IL1RAPL2: variants seen among roughly 807,000 people sequenced by gnomAD.
The protein encoded by IL1RAPL2 is interleukin 1 receptor accessory protein like 2.
Under a neutral mutation model 44.1 loss-of-function variants are expected in IL1RAPL2, and 3 were observed. That is an observed-to-expected ratio of 0.07 (90% CI 0.03 to 0.18). IL1RAPL2 has a LOEUF of 0.18. Ranked by LOEUF, IL1RAPL2 falls within the 10% of genes least tolerant of loss-of-function variation. IL1RAPL2 has a pLI of 1.00. For missense variants in IL1RAPL2, 391 were observed against 496.4 expected (o/e 0.79, Z 2.02); for synonymous variants, 181 against 178.8 (o/e 1.01, Z -0.10).
At chrX:104,970,031 G>GA (rs2030202351) in intron 2 of IL1RAPL2, among the ~76,000 whole-genome samples, 1 of 110,493 alleles carries the variant, frequency 9.1e-6, no homozygotes, top group African/African-American at 3.3e-5. Flanking sequence ...TAAAATTGAA[G>GA]ATGGAAATAT....
intron 2 of IL1RAPL2, among the ~76,000 whole-genome samples, chrX:105,184,863 C>T (rs782011071): frequency 1.0e-3 from 114 of 111,007 alleles, no homozygotes; most frequent in African/African-American, 3.5e-3. Context: ...TATGTAAAGG[C>T]TTGAGAGGTA....
chrX:105,317,637 C>T (rs1282932327), intron 5 of IL1RAPL2, among the ~76,000 whole-genome samples: 1 of 111,245 alleles, frequency 9.0e-6, no homozygotes, highest in Non-Finnish European at 1.9e-5. Context: ...TTTTTTAGAC[C>T]CTTATTTAAG....
intron 2 of IL1RAPL2, among the ~76,000 whole-genome samples, chrX:104,882,376 G>T (rs1923094451): frequency 8.9e-6 from 1 of 112,171 alleles, no homozygotes; most frequent in Admixed American, 9.5e-5. Flanking sequence ...TAGTTGCCTT[G>T]TTGGAAGCTG....
At chrX:104,967,495 A>G (rs1412321641) in intron 2 of IL1RAPL2, among the ~76,000 whole-genome samples, 1 of 102,942 alleles carries the variant, frequency 9.7e-6, no homozygotes, top group African/African-American at 3.5e-5. Context: ...TCTAAAAGTT[A>G]GCAAAAGAAC....
chrX:104,888,821 C>A (rs1049250306), intron 2 of IL1RAPL2, among the ~76,000 whole-genome samples: 1 of 111,468 alleles, frequency 9.0e-6, no homozygotes, highest in Non-Finnish European at 1.9e-5. Flanking sequence ...AGCCAAATTC[C>A]CCATTTCTGA....
intron 5 of IL1RAPL2, chrX:105,406,388 G>A: frequency 1.9e-6 from 2 of 1,067,814 alleles, no homozygotes; most frequent in Non-Finnish European, 2.6e-6. Flanking sequence ...TGTGTTAGAA[G>A]AAGCAAGATT....
intron 6 of IL1RAPL2, among the ~76,000 whole-genome samples, chrX:105,646,220 A>C (rs980537991): frequency 2.7e-5 from 3 of 111,515 alleles, no homozygotes; most frequent in Admixed American, 9.5e-5. Flanking sequence ...GTGTGTGTGC[A>C]TATGTGTGTC....
chrX:104,885,991 C>T (rs936837902), intron 2 of IL1RAPL2, among the ~76,000 whole-genome samples: 1 of 112,605 alleles, frequency 8.9e-6, no homozygotes, highest in Non-Finnish European at 1.9e-5. Flanking sequence ...CTCACTGAGG[C>T]CTGGGTATGT....
intron 6 of IL1RAPL2, among the ~76,000 whole-genome samples, chrX:105,554,886 G>C (rs1016339756): frequency 9.0e-6 from 1 of 110,787 alleles, no homozygotes; most frequent in Non-Finnish European, 1.9e-5. Context: ...TTCTACATCT[G>C]TTTCTATTGA....
intron 2 of IL1RAPL2, among the ~76,000 whole-genome samples, chrX:104,808,626 T>C (rs965829304): frequency 1.8e-5 from 2 of 111,416 alleles, no homozygotes; most frequent in African/African-American, 6.5e-5. Context: ...ATAAGGAGCA[T>C]GATTAATCTT....
chrX:104,623,103 A>T (rs1338962738), intron 1 of IL1RAPL2, among the ~76,000 whole-genome samples: 1 of 111,196 alleles, frequency 9.0e-6, no homozygotes, highest in Non-Finnish European at 1.9e-5. Context: ...CCTTTACATT[A>T]TAAAGTTGCT....
chrX:104,614,073 C>T (rs1443037231), intron 1 of IL1RAPL2, among the ~76,000 whole-genome samples: 2 of 110,177 alleles, frequency 1.8e-5, no homozygotes, highest in Admixed American at 1.9e-4. Context: ...TTATTTGGAC[C>T]TTCTCTCTTT....
At chrX:104,965,160 A>G (rs1395894261) in intron 2 of IL1RAPL2, among the ~76,000 whole-genome samples, 3 of 111,676 alleles carry the variant, frequency 2.7e-5, no homozygotes, top group Non-Finnish European at 5.6e-5. Flanking sequence ...AAGGAACAGG[A>G]GATGAAGCCT....
At position 104,772,854 on chromosome X, in the gene IL1RAPL2, A is replaced by G. The variant is rs192357807; in HGVS notation, c.82+113859A>G. On this transcript the variant is annotated intron_variant, in intron 2 of 10. Transcript: ENST00000372582. ...GGAGACTTAACCCTGCCTTTCACAC[A>G]TCCATTATGAAGACATTGTAAAAAT... is the stretch of plus-strand genomic sequence containing the variant. Among the ~76,000 whole-genome samples the G allele has an allele frequency of 6.2e-5, 7 of 112,011 alleles. No individual in the cohort carries two copies. In the Admixed American group the frequency reaches 6.6e-4, roughly 11 times the overall value.
intron 2 of IL1RAPL2, among the ~76,000 whole-genome samples, chrX:104,948,830 T>C (rs1925476226): frequency 9.1e-6 from 1 of 110,061 alleles, no homozygotes; most frequent in Non-Finnish European, 1.9e-5. Context: ...CAGTATTTTA[T>C]TGAGGATTTT....
At chrX:104,645,535 C>T (rs1930019288) in intron 1 of IL1RAPL2, among the ~76,000 whole-genome samples, 2 of 112,232 alleles carry the variant, frequency 1.8e-5, no homozygotes, top group Admixed American at 1.9e-4. Context: ...CTCTAGGTTT[C>T]AACTTAGAAG....
rs190897557 is a variant in IL1RAPL2 at position 105,263,059 on chromosome X, A to G, written c.544-4329A>G. ...CACCACCACGCCCAGGTAATTTTGT[A>G]TTTTTAGTAGAGACGGTGTTTCTCC... On this transcript the variant is annotated intron_variant, in intron 4 of 10. Coordinates refer to ENST00000372582, the MANE Select transcript of IL1RAPL2 (RefSeq NM_017416.2). Among the ~76,000 whole-genome samples, 15 of 109,816 alleles carry G rather than the reference A, an allele frequency of 1.4e-4. No individual in the cohort carries two copies. In the East Asian group the frequency reaches 4.3e-3, roughly 32 times the overall value.
intron 4 of IL1RAPL2, among the ~76,000 whole-genome samples, chrX:105,258,930 C>T (rs1441022141): frequency 1.8e-5 from 2 of 111,593 alleles, no homozygotes; most frequent in Admixed American, 9.5e-5. Flanking sequence ...TTCTGTCATT[C>T]CTGCCAGTTC....
chrX:105,680,623 A>AAAAT (rs1217942484), intron 6 of IL1RAPL2, among the ~76,000 whole-genome samples: 1 of 112,536 alleles, frequency 8.9e-6, no homozygotes, highest in Non-Finnish European at 1.9e-5. Flanking sequence ...CATTGCTATG[A>AAAAT]AAATAAAAAT....
Sources: allele counts gnomAD v4.1 joint callset (sites outside exome capture counted in the v4.1 genomes callset), GRCh38; gene constraint gnomAD v4.1.1; transcripts MANE v1.5; gene names NCBI Gene and HGNC (gene_info 2026-07-23, HGNC 2026-07-21).